Variants in DMD observed in about 807,000 individuals in gnomAD.
The protein encoded by DMD is mutant dystrophin.
Under a neutral mutation model 330.1 loss-of-function variants are expected in DMD, and 63 were observed. The ratio of observed to expected loss-of-function variants is 0.19; its 90% CI spans 0.16 to 0.24. DMD has a LOEUF of 0.24. DMD is among the 10% of genes least tolerant of loss of function. The pLI is 1.00. For synonymous variants in DMD, 1,223 were observed against 959.8 expected, an observed-to-expected ratio of 1.27 and a Z score of -5.07; for missense variants, 3,344 against 2,684.1, an observed-to-expected ratio of 1.25 and a Z score of -5.43.
chrX:31,284,909 T>G (rs751630180), intron 62 of DMD, among the ~76,000 whole-genome samples: 2 of 108,732 alleles, frequency 1.8e-5, no homozygotes, highest in African/African-American at 6.7e-5. Context: ...ATCACTCTCC[T>G]CCTGTCCCTC....
At chrX:33,221,144 G>C (rs149659013) in intron 1 of DMD, among the ~76,000 whole-genome samples, 1,174 of 111,503 alleles carry the variant, frequency 0.011, 18 homozygotes, top group African/African-American at 0.036. Flanking sequence ...ATGGAACTGG[G>C]CCGTGGAATA....
rs944006765 is a variant in DMD, at chrX:33,041,372, C to T, written c.32-21172G>A. On this transcript the variant is annotated intron_variant, in intron 1 of 78. Coordinates refer to ENST00000357033, the MANE Select transcript of DMD (RefSeq NM_004006.3). Reference sequence around the variant, plus strand: ...CGGTTACCCCGGCTTTCCGCCCCTCCTTCTCGCGGGGCTCGAGGGACCATG... The same window carrying T: ...CGGTTACCCCGGCTTTCCGCCCCTCTTTCTCGCGGGGCTCGAGGGACCATG... 16 of 1,179,350 alleles carry T rather than the reference C, an allele frequency of 1.4e-5. No homozygotes were observed. In the African/African-American group the frequency reaches 2.5e-4, roughly 18 times the overall value.
intron 60 of DMD, among the ~76,000 whole-genome samples, chrX:31,391,183 C>A (rs1423651790): frequency 1.8e-5 from 2 of 109,693 alleles, no homozygotes; most frequent in Non-Finnish European, 3.8e-5. Context: ...CAGAGTCTTG[C>A]CCTATCACCC....
At chrX:32,508,565 C>T (rs747671006) in intron 18 of DMD, among the ~76,000 whole-genome samples, 7 of 111,629 alleles carry the variant, frequency 6.3e-5, no homozygotes, top group African/African-American at 2.3e-4. Context: ...CCTTTCTGAA[C>T]CTCAGTATTT....
Position 32,999,632 on chromosome X carries a change from C to T in DMD, c.93+20507G>A, listed in dbSNP as rs1008549066. Among the ~76,000 whole-genome samples, 9 of 110,313 alleles carry T rather than the reference C, an allele frequency of 8.2e-5. No individual in the cohort carries two copies. The East Asian group carries it at 2.0e-3, about 25-fold the overall frequency. ...CTCTACTAAAAATACAAAAATTAGCCGGGTGTGGTGGCACGTGCCTGTAGT... is the reference window on the plus strand; with the variant it reads ...CTCTACTAAAAATACAAAAATTAGCTGGGTGTGGTGGCACGTGCCTGTAGT... On this transcript the variant is annotated intron_variant, in intron 2 of 78. Coordinates refer to ENST00000357033, the MANE Select transcript of DMD (RefSeq NM_004006.3).
chrX:32,325,346 A>G (rs930557209), intron 41 of DMD, among the ~76,000 whole-genome samples: 1 of 111,665 alleles, frequency 9.0e-6, no homozygotes, highest in Non-Finnish European at 1.9e-5. Flanking sequence ...AGAGCTCTGA[A>G]CTAGCACTAA....
At chrX:32,760,370 C>T (rs1044002308) in intron 7 of DMD, among the ~76,000 whole-genome samples, 1 of 111,884 alleles carries the variant, frequency 8.9e-6, no homozygotes, top group Admixed American at 9.5e-5. Context: ...GGCAGAAAGC[C>T]TTCTCTATCT....
intron 55 of DMD, among the ~76,000 whole-genome samples, chrX:31,548,240 G>T (rs904674064): frequency 8.9e-6 from 1 of 111,822 alleles, no homozygotes; most frequent in Non-Finnish European, 1.9e-5. Flanking sequence ...CCTGGGAGCT[G>T]GTTAGCAATG....
chrX:32,626,228 T>C (rs1422665877), intron 11 of DMD, among the ~76,000 whole-genome samples: 1 of 111,811 alleles, frequency 8.9e-6, no homozygotes, highest in Non-Finnish European at 1.9e-5. Context: ...CCCAGCATTT[T>C]GGGAGGCCGA....
intron 50 of DMD, among the ~76,000 whole-genome samples, chrX:31,791,161 A>C (rs1035633564): frequency 2.7e-5 from 3 of 111,973 alleles, no homozygotes; most frequent in Non-Finnish European, 3.8e-5. Flanking sequence ...AAATATCTTT[A>C]AAAGTCGTAC....
intron 15 of DMD, among the ~76,000 whole-genome samples, chrX:32,569,842 C>A (rs2052196463): frequency 9.0e-6 from 1 of 111,133 alleles, no homozygotes; most frequent in African/African-American, 3.3e-5. Flanking sequence ...CAACAGTCCC[C>A]ACAGCAGAAA....
chrX:31,203,696 T>G (rs776137244), intron 67 of DMD, among the ~76,000 whole-genome samples: 5 of 111,857 alleles, frequency 4.5e-5, no homozygotes, highest in Non-Finnish European at 9.4e-5. Context: ...ATTTCCTCCC[T>G]TGCTGAACTT....
chrX:32,564,582 G>A (rs1242922747), intron 16 of DMD, among the ~76,000 whole-genome samples: 1 of 111,625 alleles, frequency 9.0e-6, no homozygotes, highest in East Asian at 2.8e-4. Flanking sequence ...GAAAACAAAT[G>A]GAGTTTTTAT....
intron 62 of DMD, among the ~76,000 whole-genome samples, chrX:31,320,649 T>G (rs1012575496): frequency 8.9e-6 from 1 of 112,247 alleles, no homozygotes; most frequent in African/African-American, 3.2e-5. Context: ...CATAGAACAT[T>G]TTAGATAATA....
At chrX:33,055,522 C>G (rs900381272) in intron 1 of DMD, among the ~76,000 whole-genome samples, 2 of 111,844 alleles carry the variant, frequency 1.8e-5, no homozygotes, top group Non-Finnish European at 3.8e-5. Context: ...ACACAAATGC[C>G]TGAACGCAAG....
intron 2 of DMD, among the ~76,000 whole-genome samples, chrX:33,016,564 T>C (rs7883529): frequency 0.098 from 10,942 of 111,174 alleles, 749 homozygotes; most frequent in African/African-American, 0.23. Flanking sequence ...TATCATGGGC[T>C]TTTGTGAAGA....
intron 47 of DMD, among the ~76,000 whole-genome samples, chrX:31,892,448 G>A (rs977486297): frequency 4.6e-5 from 5 of 109,206 alleles, no homozygotes; most frequent in African/African-American, 1.7e-4. Context: ...ATACATATTG[G>A]ATTCCGAAGG....
At chrX:31,697,978 T>C (rs1038012034) in intron 52 of DMD, among the ~76,000 whole-genome samples, 1 of 112,154 alleles carries the variant, frequency 8.9e-6, no homozygotes, top group East Asian at 2.8e-4. Flanking sequence ...CACAGAATTA[T>C]TGTGAAGATA....
At chrX:31,302,004 A>G (rs2054682910) in intron 62 of DMD, among the ~76,000 whole-genome samples, 2 of 111,981 alleles carry the variant, frequency 1.8e-5, no homozygotes, top group Non-Finnish European at 3.8e-5. Context: ...CAACCACTAC[A>G]CTAACAAGCT....
Sources: gnomAD v4.1 joint callset for allele counts (sites outside exome capture counted in the v4.1 genomes callset) on GRCh38, gnomAD v4.1.1 for gene constraint, MANE v1.5 for transcripts, NCBI Gene and HGNC (gene_info 2026-07-23, HGNC 2026-07-21) for gene names.